TMCC2: variants seen among roughly 807,000 people sequenced by gnomAD.
TMCC2 encodes the protein transmembrane and coiled-coil domain family 2, also known as transmembrane and coiled-coil domains protein 2.
A neutral mutation model predicts 49.4 loss-of-function variants in TMCC2; 16 were observed. The observed-to-expected ratio is 0.32, with a 90% CI of 0.22 to 0.49. TMCC2 has a LOEUF of 0.49. TMCC2 is among the 20% of genes least tolerant of loss of function. The pLI is 0.99. For synonymous variants in TMCC2, 397 were observed against 434.1 expected (o/e 0.91, Z 1.06); for missense variants, 762 against 989.8 (o/e 0.77, Z 3.09).
intron 1 of TMCC2, 24 bp downstream of exon 1, chr1:205,228,795 C>A: frequency 6.4e-7 from 1 of 1,565,398 alleles, no homozygotes; most frequent in Non-Finnish European, 8.7e-7. Flanking sequence ...ATCCCCCCGG[C>A]AAGCCCAGCC....
intron 2 of TMCC2, among the ~76,000 whole-genome samples, chr1:205,255,471 G>A (rs1660827895): frequency 6.6e-6 from 1 of 152,140 alleles, no homozygotes; most frequent in Non-Finnish European, 1.5e-5. Flanking sequence ...AGGAGAATCG[G>A]TTGAACCCAG....
intron 1 of TMCC2, chr1:205,229,113 T>G: frequency 2.6e-6 from 3 of 1,145,378 alleles, no homozygotes; most frequent in Non-Finnish European, 3.2e-6. Flanking sequence ...AGGTGACCAT[T>G]AGTTTTCCTT....
At chr1:205,245,367 G>C (rs1660416609) in intron 2 of TMCC2, among the ~76,000 whole-genome samples, 1 of 152,202 alleles carries the variant, frequency 6.6e-6, no homozygotes, top group Admixed American at 6.5e-5. Flanking sequence ...AGGTCCAGTG[G>C]GAGGGCGGAT....
At position 205,257,071 on chromosome 1, in the gene TMCC2, G is replaced by T. The variant is rs1027310375; in HGVS notation, c.748-11879G>T. The T allele has an allele frequency of 3.1e-5, 29 of 942,590 alleles. No individual in the cohort carries two copies. In the African/African-American group the frequency reaches 5.0e-4, roughly 16 times the overall value. The allele number at this position is 942,590 out of a possible 1,614,324, so 58.4% of individuals were successfully genotyped here. Reference sequence around the variant, plus strand: ...ACTTGTGGAGGGGCATCTCATCAGAGCTCGGTCCTCCCGCGCTCGGTGATC... The same window carrying T: ...ACTTGTGGAGGGGCATCTCATCAGATCTCGGTCCTCCCGCGCTCGGTGATC... On this transcript the variant is annotated intron_variant, in intron 2 of 4. Transcript: ENST00000358024.
rs538375248 is a variant in TMCC2 at position 205,250,967 on chromosome 1, C to T, written c.747+8923C>T. 8.5e-5 allele frequency among the ~76,000 whole-genome samples: 13 copies of T among 152,300 alleles called. No homozygotes were observed. The South Asian group carries it at 2.5e-3, about 29-fold the overall frequency. On this transcript the variant is annotated intron_variant, in intron 2 of 4. Coordinates refer to ENST00000358024, the MANE Select transcript of TMCC2 (RefSeq NM_014858.4). ...CCCCGGCTACCCAGCACGTTCTTCCCTGGATCTGCCACATCCCTGAGATGA... is the reference window on the plus strand; with the variant it reads ...CCCCGGCTACCCAGCACGTTCTTCCTTGGATCTGCCACATCCCTGAGATGA...
intron 1 of TMCC2, chr1:205,229,053 GCAGA>G: frequency 7.9e-7 from 1 of 1,269,274 alleles, no homozygotes; most frequent in Non-Finnish European, 1.0e-6. Flanking sequence ...AGTGTTATTC[GCAGA>G]CAAAGGGCTG....
chr1:205,269,801 G>T lies in TMCC2; in HGVS notation c.1599G>T (p.Leu533=). The change falls in exon 3 of 5, where the codon CTG becomes CTT. Residue 533 remains leucine, a synonymous_variant. Transcript: ENST00000358024. ...AGATCAAGGAGGGACAGTCTCACCT[G>T]GAGGACTCCATGGAAGACCTGAAGA... ...LREIKEGQSH[L]EDSMEDLKTQ... The T allele has an allele frequency of 6.2e-7, 1 of 1,614,166 alleles. No individual in the cohort carries two copies. The highest frequency in any genetic ancestry group is 8.5e-7 in the Non-Finnish European group (1 of 1,180,026).
intron 1 of TMCC2, among the ~76,000 whole-genome samples, chr1:205,231,433 A>T (rs1450251727): frequency 6.6e-6 from 1 of 152,050 alleles, no homozygotes; most frequent in Non-Finnish European, 1.5e-5. Context: ...AGTAGCTGGT[A>T]CTACAGGCAC....
At chr1:205,230,750 TG>T (rs1659757412) in intron 1 of TMCC2, among the ~76,000 whole-genome samples, 1 of 152,132 alleles carries the variant, frequency 6.6e-6, no homozygotes, top group East Asian at 1.9e-4. Context: ...GGTCATGGCA[TG>T]GGGGCTGCAG....
Position 205,228,554 on chromosome 1 carries a change from C to G in TMCC2, c.-11C>G. 1 of 1,588,526 alleles carries G rather than the reference C, an allele frequency of 6.3e-7. No homozygotes were observed. Among genetic ancestry groups the G allele is most frequent in the Non-Finnish European group, 8.6e-7 (1 of 1,162,058 alleles). ...GGAAGGACAGATTCCCCTTGCCGAC[C>G]CACATACACCATGAAGAGGTGCAGA... On this transcript the variant is annotated 5_prime_UTR_variant, in exon 1 of 5. Coordinates refer to ENST00000358024, the MANE Select transcript of TMCC2 (RefSeq NM_014858.4).
At chr1:205,247,123 A>G (rs1660485079) in intron 2 of TMCC2, among the ~76,000 whole-genome samples, 1 of 152,146 alleles carries the variant, frequency 6.6e-6, no homozygotes, top group Admixed American at 6.5e-5. Context: ...TGACTATTTT[A>G]TATCCTTCTT....
Position 205,244,757 on chromosome 1 carries a change from A to G in TMCC2, c.747+2713A>G, listed in dbSNP as rs549548489. ...GGTTTGTTTGGGTCAGAGAATGCTC[A>G]AAAGGTTGGACCTTGAAACCTCGGC... On this transcript the variant is annotated intron_variant, in intron 2 of 4. Coordinates refer to ENST00000358024, the MANE Select transcript of TMCC2 (RefSeq NM_014858.4). 8.5e-5 allele frequency among the ~76,000 whole-genome samples: 13 copies of G among 152,270 alleles called. No individual in the cohort carries two copies. The South Asian group carries it at 2.7e-3, about 32-fold the overall frequency.
In TMCC2 at chr1:205,241,714, C is replaced by T. The variant is rs200789897; in HGVS notation, c.417C>T (p.His139=). The part of the protein sequence containing the change: ...MHRVSYAMSL[H]DLPARPTAFN... ...GCGTCTCCTACGCCATGTCCCTGCA[C>T]GACCTGCCCGCCCGGCCCACCGCCT... The change falls in exon 2 of 5, where the codon CAC becomes CAT. Residue 139 remains histidine, a synonymous_variant. Transcript: ENST00000358024. This position sits in a 1 kb window ranked among gnomAD's most constrained non-coding sequence, Gnocchi z 7.3. 4.6e-5 allele frequency: 75 copies of T among 1,613,486 alleles called. No homozygotes were observed. Among genetic ancestry groups the T allele is most frequent in the East Asian group, 1.3e-4 (6 of 44,888 alleles).
chr1:205,242,177 T>A, intron 2 of TMCC2, 133 bp downstream of exon 2: 1 of 1,031,526 alleles, frequency 9.7e-7, no homozygotes, highest in Non-Finnish European at 1.4e-6. Context: ...CAGAGTTATC[T>A]ACCTTGGTTA....
rs1488580669 is a variant in TMCC2, at chr1:205,228,097, G to T, written c.-468G>T. 6.7e-6 allele frequency: 1 copy of T among 148,634 alleles called. No individual in the cohort carries two copies. The highest frequency in any genetic ancestry group is 6.7e-5 in the Admixed American group (1 of 14,980). 9.2% of individuals were successfully genotyped at this position (148,634 alleles called of 1,614,324 possible). On this transcript the variant is annotated 5_prime_UTR_variant, in exon 1 of 5. Coordinates refer to ENST00000358024, the MANE Select transcript of TMCC2 (RefSeq NM_014858.4). Reference sequence around the variant, plus strand: ...GGGCAGGGGCCGGTTGCAGGGCCGGGGGCTGCAGCCGGCGCCGATGGCGGC... The same window carrying T: ...GGGCAGGGGCCGGTTGCAGGGCCGGTGGCTGCAGCCGGCGCCGATGGCGGC...
intron 2 of TMCC2, among the ~76,000 whole-genome samples, chr1:205,252,659 G>GTC (rs1660711324): frequency 2.0e-5 from 3 of 152,204 alleles, no homozygotes; most frequent in African/African-American, 7.2e-5. Flanking sequence ...CTCACTGGCA[G>GTC]ATTTTCACAG....
At chr1:205,254,758 CTT>C (rs1416467409) in intron 2 of TMCC2, among the ~76,000 whole-genome samples, 1 of 152,108 alleles carries the variant, frequency 6.6e-6, no homozygotes, top group East Asian at 1.9e-4. Context: ...GCAGGAAACT[CTT>C]TCTGTTGCTT....
intron 2 of TMCC2, among the ~76,000 whole-genome samples, chr1:205,268,677 G>A (rs184876306): frequency 6.6e-6 from 1 of 152,234 alleles, no homozygotes; most frequent in African/African-American, 2.4e-5. Context: ...CTTCCTGGCC[G>A]TGTGTCCCTG....
Position 205,228,561 on chromosome 1 carries a change from C to T in TMCC2, c.-4C>T. The T allele has an allele frequency of 6.2e-7, 1 of 1,602,956 alleles. No homozygotes were observed. The highest frequency in any genetic ancestry group is 8.5e-7 in the Non-Finnish European group (1 of 1,172,002). On this transcript the variant is annotated 5_prime_UTR_variant, in exon 1 of 5. Coordinates refer to ENST00000358024, the MANE Select transcript of TMCC2 (RefSeq NM_014858.4). ...CAGATTCCCCTTGCCGACCCACATACACCATGAAGAGGTGCAGATCGGACG... is the reference window on the plus strand; with the variant it reads ...CAGATTCCCCTTGCCGACCCACATATACCATGAAGAGGTGCAGATCGGACG...
Sources: allele counts gnomAD v4.1 joint callset (sites outside exome capture counted in the v4.1 genomes callset), GRCh38; gene constraint gnomAD v4.1.1; non-coding constraint Gnocchi (gnomAD v3.1); transcripts MANE v1.5; gene names NCBI Gene and HGNC (gene_info 2026-07-23, HGNC 2026-07-21).